TAFA2: variants seen among roughly 807,000 people sequenced by gnomAD.
TAFA2 encodes chemokine-like protein TAFA-2.
A neutral mutation model predicts 18.8 loss-of-function variants in TAFA2; 7 were observed. The ratio of observed to expected loss-of-function variants is 0.37; its 90% confidence interval spans 0.21 to 0.70. The LOEUF is 0.70. TAFA2 is among the 30% of genes least tolerant of loss of function. TAFA2 has a pLI of 0.53. For synonymous variants in TAFA2, 60 were observed against 54.2 expected (o/e 1.11, Z -0.47); for missense variants, 122 against 158.1 (o/e 0.77, Z 1.23).
At chr12:62,023,292 C>T (rs976577580) in intron 1 of TAFA2, among the ~76,000 whole-genome samples, 1 of 152,226 alleles carries the variant, frequency 6.6e-6, no homozygotes, top group Middle Eastern at 3.4e-3. Context: ...GGTGGACCTC[C>T]CTCTGTGATA....
intron 1 of TAFA2, among the ~76,000 whole-genome samples, chr12:62,076,216 T>A (rs548917219): frequency 6.6e-6 from 1 of 152,306 alleles, no homozygotes; most frequent in East Asian, 1.9e-4. Context: ...GCATGTCTGG[T>A]ATAATCCATA....
At chr12:62,192,973 C>T (rs2062633652), upstream of TAFA2, 1 of 152,168 alleles carries the variant, frequency 6.6e-6, no homozygotes, top group African/African-American at 2.4e-5. Flanking sequence ...TTACAAATTA[C>T]AACTTCTCAA....
At chr12:61,977,807 GTCTT>G (rs1046572377) in intron 1 of TAFA2, among the ~76,000 whole-genome samples, 2 of 151,972 alleles carry the variant, frequency 1.3e-5, no homozygotes, top group African/African-American at 4.8e-5. Context: ...GTGAACATCA[GTCTT>G]TCTTTCAGCC....
chr12:61,842,298 G>T (rs922351989), intron 2 of TAFA2, among the ~76,000 whole-genome samples: 1 of 151,894 alleles, frequency 6.6e-6, no homozygotes, highest in Admixed American at 6.6e-5. Flanking sequence ...ATATTAGGAA[G>T]GTCAAATGGC....
chr12:61,848,656 T>C (rs1592431986), intron 2 of TAFA2, among the ~76,000 whole-genome samples: 1 of 152,100 alleles, frequency 6.6e-6, no homozygotes, highest in South Asian at 2.1e-4. Flanking sequence ...TTCATCTATT[T>C]TATTGAACAC....
intron 1 of TAFA2, among the ~76,000 whole-genome samples, chr12:62,110,318 G>A (rs375055383): frequency 1.3e-5 from 2 of 152,180 alleles, no homozygotes; most frequent in South Asian, 2.1e-4. Context: ...TTGCATCCCA[G>A]AGATGAAGCC....
intron 1 of TAFA2, among the ~76,000 whole-genome samples, chr12:62,098,256 A>G (rs10877791): frequency 0.24 from 36,486 of 152,080 alleles, 4,640 homozygotes; most frequent in East Asian, 0.39. Flanking sequence ...TCAGAGTTTC[A>G]GCAGGATTCA....
Position 61,710,403 on chromosome 12 carries a change from G to T in TAFA2, c.*3C>A. 1 of 1,608,222 alleles carries T rather than the reference G, an allele frequency of 6.2e-7. No homozygotes were observed. The highest frequency in any genetic ancestry group is 8.5e-7 in the Non-Finnish European group (1 of 1,175,044). ...CCTTGAGGATCACTTGATTTCTCCT[G>T]GGTTAATGGGTTACCTACAAAGGAA... On this transcript the variant is annotated 3_prime_UTR_variant, in exon 5 of 5. Transcript: ENST00000416284.
rs1868246866 is a variant in TAFA2 at position 62,075,550 on chromosome 12, CTA to C, written c.-2+115707_-2+115708del. On this transcript the variant is annotated intron_variant, in intron 1 of 4. Transcript: ENST00000416284. ...TCACATCAGACCTGTTCCTAGACAACTATAAGGAGTGAAGCTGCCAGTCAGAT... is the reference window on the plus strand; with the variant it reads ...TCACATCAGACCTGTTCCTAGACAACTAAGGAGTGAAGCTGCCAGTCAGAT... Among the ~76,000 whole-genome samples, 9 of 152,280 alleles carry C rather than the reference CTA, an allele frequency of 5.9e-5. 1 individual carries two copies. The South Asian group carries it at 1.9e-3, about 32-fold the overall frequency.
chr12:61,831,086 A>C (rs1247674314), intron 2 of TAFA2, among the ~76,000 whole-genome samples: 1 of 152,090 alleles, frequency 6.6e-6, no homozygotes, highest in Non-Finnish European at 1.5e-5. Flanking sequence ...TAGACAAATG[A>C]TTTAAATTAT....
At chr12:62,257,643 G>A (rs146633319) in intron 1 of TAFA2, among the ~76,000 whole-genome samples, 78 of 152,162 alleles carry the variant, frequency 5.1e-4, no homozygotes, top group Admixed American at 1.3e-3. Context: ...TCTAGGTTAC[G>A]TTTTAAATTG....
intron 4 of TAFA2, among the ~76,000 whole-genome samples, chr12:61,748,602 C>T (rs1357492515): frequency 6.6e-6 from 1 of 152,062 alleles, no homozygotes; most frequent in African/African-American, 2.4e-5. Context: ...TGTTTAGATC[C>T]ACCAGCAGAG....
chr12:61,852,339 A>G (rs930123346), intron 2 of TAFA2, among the ~76,000 whole-genome samples: 1 of 152,198 alleles, frequency 6.6e-6, no homozygotes, highest in African/African-American at 2.4e-5. Context: ...ATGGCAAGAA[A>G]GGTGTCAGAG....
At chr12:62,195,846 A>G (rs915569800), upstream of TAFA2, among the ~76,000 whole-genome samples, 6 of 152,358 alleles carry the variant, frequency 3.9e-5, 1 homozygote, top group East Asian at 1.2e-3. Context: ...CACCAGCTGC[A>G]TTATCCTCTA....
rs17125557 is a variant in TAFA2 at position 61,971,300 on chromosome 12, T to A, written c.-1-103874A>T. Among the ~76,000 whole-genome samples, 580 of 151,790 alleles carry A rather than the reference T, an allele frequency of 3.8e-3. 2 individuals carry two copies. The highest frequency in any genetic ancestry group is 0.013 in the African/African-American group (544 of 41,492). On this transcript the variant is annotated intron_variant, in intron 1 of 4. Coordinates refer to ENST00000416284, the MANE Select transcript of TAFA2 (RefSeq NM_178539.5). ...CTCTTGAATCCACACAAAGTCTTGT[T>A]ATTGCTCTTATGGTAAGAGAACTTA...
chr12:61,909,976 A>C (rs1876529674), intron 1 of TAFA2, among the ~76,000 whole-genome samples: 1 of 152,196 alleles, frequency 6.6e-6, no homozygotes. Context: ...AAGGACAAAA[A>C]TACGTAAGAC....
chr12:62,060,036 A>ATT (rs1882303161), intron 1 of TAFA2, among the ~76,000 whole-genome samples: 1 of 152,206 alleles, frequency 6.6e-6, no homozygotes, highest in African/African-American at 2.4e-5. Context: ...AATTACACAC[A>ATT]TTTATTGTTT....
intron 1 of TAFA2, among the ~76,000 whole-genome samples, chr12:62,210,044 C>CA (rs2062707271): frequency 6.6e-6 from 1 of 151,910 alleles, no homozygotes. Flanking sequence ...ACTAAAAATA[C>CA]AAAAAATTAG....
chr12:61,987,877 A>G (rs1049885667), intron 1 of TAFA2, among the ~76,000 whole-genome samples: 4 of 152,244 alleles, frequency 2.6e-5, no homozygotes, highest in African/African-American at 9.6e-5. Flanking sequence ...CTTAAATTCA[A>G]GCTCTCAGCA....
Sources: gnomAD v4.1 joint callset for allele counts (sites outside exome capture counted in the v4.1 genomes callset) on GRCh38, gnomAD v4.1.1 for gene constraint, MANE v1.5 for transcripts, NCBI Gene and HGNC (gene_info 2026-07-23, HGNC 2026-07-21) for gene names.